The following ARHGEF18 variants were observed in gnomAD, a reference collection of about 807,000 sequenced individuals.
The protein encoded by ARHGEF18 is rho guanine nucleotide exchange factor 18.
A neutral mutation model predicts 155.7 loss-of-function variants in ARHGEF18; 93 were observed. The observed-to-expected ratio is 0.60, with a 90% CI of 0.50 to 0.71. ARHGEF18 has a LOEUF of 0.71. Ranked by LOEUF, ARHGEF18 falls within the 30% of genes least tolerant of loss-of-function variation. The probability of loss-of-function intolerance (pLI) is 0.00; values close to 1 mark genes in which losing one functional copy is unlikely to be tolerated. For missense variants in ARHGEF18, 1,593 were observed against 1,816.1 expected (o/e 0.88, Z 2.23); for synonymous variants, 742 against 753.1 (o/e 0.99, Z 0.24).
chr19:7,368,889 G>A (rs1170394895), intron 2 of ARHGEF18, among the ~76,000 whole-genome samples: 1 of 152,030 alleles, frequency 6.6e-6, no homozygotes, highest in Non-Finnish European at 1.5e-5. Context: ...TGAAAAAGAG[G>A]GACCCTGGTG....
At position 7,444,144 on chromosome 19, in the gene ARHGEF18, G is replaced by T; in HGVS notation, c.1361-60G>T. The T allele has an allele frequency of 6.3e-7, 1 of 1,588,788 alleles. No individual in the cohort carries two copies. Among genetic ancestry groups the T allele is most frequent in the South Asian group, 1.1e-5 (1 of 88,430 alleles). On this transcript the variant is annotated intron_variant, in intron 13 of 28. Transcript: ENST00000668164. The surrounding 1 kb of genome is among the most constrained non-coding windows in gnomAD (Gnocchi z 4.7). Reference sequence around the variant, plus strand: ...CACGTGAAGGGCAGGCAGCACCCACGACTGCCCAGCGGGGCCGTGGAGCCA... The same window carrying T: ...CACGTGAAGGGCAGGCAGCACCCACTACTGCCCAGCGGGGCCGTGGAGCCA...
intron 10 of ARHGEF18, among the ~76,000 whole-genome samples, chr19:7,400,480 CAGG>C (rs1352597679): frequency 2.0e-5 from 3 of 151,990 alleles, no homozygotes; most frequent in Non-Finnish European, 4.4e-5. Flanking sequence ...GGGTGGGTTT[CAGG>C]AGGAGAGAAA....
chr19:7,350,564 T>C (rs940323682), intron 1 of ARHGEF18, among the ~76,000 whole-genome samples: 1 of 152,088 alleles, frequency 6.6e-6, no homozygotes, highest in Non-Finnish European at 1.5e-5. Flanking sequence ...CTCCCATGCC[T>C]CCCTGGGCAT....
chr19:7,468,799 G>A (rs1312493381), intron 26 of ARHGEF18, 26 bp from the exon 27 acceptor site: 4 of 1,511,574 alleles, frequency 2.6e-6, no homozygotes, highest in Non-Finnish European at 3.6e-6. Flanking sequence ...ACCTCACATT[G>A]GATGTATCTG....
In ARHGEF18 at chr19:7,462,091, GC is replaced by G. The variant is rs2145884813; in HGVS notation, c.2453-60del. Reference sequence around the variant, plus strand: ...CCTCATCCTTAGGCCAGTCCCCGGGGCTCAGATGATTCCAGGGAAGGCCGAC... The same window carrying G: ...CCTCATCCTTAGGCCAGTCCCCGGGGTCAGATGATTCCAGGGAAGGCCGAC... On this transcript the variant is annotated intron_variant, in intron 20 of 28. Transcript: ENST00000668164. The surrounding 1 kb of genome is among the most constrained non-coding windows in gnomAD (Gnocchi z 4.4). The G allele has an allele frequency of 1.2e-6, 2 of 1,604,906 alleles. No homozygotes were observed. Among genetic ancestry groups the G allele is most frequent in the East Asian group, 4.5e-5 (2 of 44,838 alleles).
At chr19:7,363,533 A>G (rs912880478) in intron 2 of ARHGEF18, among the ~76,000 whole-genome samples, 1 of 151,536 alleles carries the variant, frequency 6.6e-6, no homozygotes, top group African/African-American at 2.4e-5. Context: ...AGGAAGGAAG[A>G]AAGATGAGAA....
chr19:7,476,303 G>A (rs2045345935), downstream of ARHGEF18, among the ~76,000 whole-genome samples: 1 of 152,126 alleles, frequency 6.6e-6, no homozygotes, highest in South Asian at 2.1e-4. Context: ...CAGAGATCCT[G>A]GGTCAAAAAG....
At chr19:7,355,477 C>A (rs1027312036) in intron 1 of ARHGEF18, 18 of 379,482 alleles carry the variant, frequency 4.7e-5, no homozygotes, top group Admixed American at 1.3e-4. Flanking sequence ...GCTGGAAACC[C>A]CAGCCCCCCT....
At chr19:7,351,705 T>TC (rs1034966208) in intron 1 of ARHGEF18, among the ~76,000 whole-genome samples, 4 of 7,818 alleles carry the variant, frequency 5.1e-4, no homozygotes, top group East Asian at 2.2e-3. Flanking sequence ...TCTCTCTCTC[T>TC]TTTTTTTTTT....
chr19:7,351,548 C>T (rs1969156652), intron 1 of ARHGEF18, among the ~76,000 whole-genome samples: 3 of 151,818 alleles, frequency 2.0e-5, no homozygotes, highest in African/African-American at 7.3e-5. Flanking sequence ...TGGTCTTGAT[C>T]TCCTGACCTT....
chr19:7,468,617 G>A (rs1041943722), intron 26 of ARHGEF18, among the ~76,000 whole-genome samples: 1 of 152,248 alleles, frequency 6.6e-6, no homozygotes, highest in African/African-American at 2.4e-5. Context: ...ATGAGTGTGT[G>A]ACAGTATGGG....
chr19:7,404,380 C>G (rs1427852775), intron 10 of ARHGEF18, among the ~76,000 whole-genome samples: 3 of 150,596 alleles, frequency 2.0e-5, no homozygotes, highest in African/African-American at 7.3e-5. Flanking sequence ...GTTGTCAAGT[C>G]ACAAAAAAGA....
At chr19:7,399,670 T>G (rs1229874990) in intron 10 of ARHGEF18, among the ~76,000 whole-genome samples, 1 of 151,852 alleles carries the variant, frequency 6.6e-6, no homozygotes, top group Non-Finnish European at 1.5e-5. Context: ...TTAGTAGAGA[T>G]TGGGTTTCAC....
At chr19:7,366,255 G>A (rs1969882138) in intron 2 of ARHGEF18, among the ~76,000 whole-genome samples, 1 of 152,052 alleles carries the variant, frequency 6.6e-6, no homozygotes, top group Non-Finnish European at 1.5e-5. Context: ...CCAGCAAGCT[G>A]AATAATCTTT....
At chr19:7,408,959 C>T (rs1383794292) in intron 10 of ARHGEF18, among the ~76,000 whole-genome samples, 2 of 151,838 alleles carry the variant, frequency 1.3e-5, no homozygotes, top group East Asian at 3.9e-4. Flanking sequence ...ACTTGGGAGG[C>T]TGAGGCAGGA....
chr19:7,364,010 AGATG>A, intron 2 of ARHGEF18, among the ~76,000 whole-genome samples: 1 of 147,806 alleles, frequency 6.8e-6, no homozygotes, highest in African/African-American at 2.5e-5. Flanking sequence ...GAAGGAAGGA[AGATG>A]GGTGGATGAA....
chr19:7,464,040 C>T (rs1976458994), intron 22 of ARHGEF18, 85 bp downstream of exon 22: 1 of 1,452,478 alleles, frequency 6.9e-7, no homozygotes, highest in African/African-American at 1.4e-5. Context: ...CTAGAACTTT[C>T]TTTTTTGTTG....
At chr19:7,421,364 G>A (rs533496884) in intron 10 of ARHGEF18, among the ~76,000 whole-genome samples, 30 of 152,274 alleles carry the variant, frequency 2.0e-4, no homozygotes, top group Middle Eastern at 6.8e-3. Context: ...GTGTTCTCAG[G>A]ATGAAAACCC....
intron 10 of ARHGEF18, among the ~76,000 whole-genome samples, chr19:7,432,700 C>G (rs1313300995): frequency 3.3e-5 from 5 of 152,180 alleles, no homozygotes; most frequent in Non-Finnish European, 7.3e-5. Flanking sequence ...TAGGGCCCAG[C>G]TGCCTTCAAA....
Sources: gnomAD v4.1 joint callset for allele counts (sites outside exome capture counted in the v4.1 genomes callset) on GRCh38, gnomAD v4.1.1 for gene constraint, Gnocchi (gnomAD v3.1) non-coding constraint, MANE v1.5 for transcripts, NCBI Gene and HGNC (gene_info 2026-07-23, HGNC 2026-07-21) for gene names.